The following IQGAP2 variants were observed in gnomAD, a reference collection of about 807,000 sequenced individuals.
The protein encoded by IQGAP2 is IQ motif containing GTPase activating protein 2.
In IQGAP2, 173 loss-of-function variants were observed where a neutral mutation model predicts 201.3. That is an observed-to-expected ratio of 0.86 (90% CI 0.76 to 0.98). IQGAP2 has a LOEUF of 0.98. Among genes scored for constraint, IQGAP2 ranks in the 50% least tolerant of loss-of-function variants. The pLI, the probability that IQGAP2 is intolerant of heterozygous loss-of-function variation, is 0.00. For synonymous variants in IQGAP2, 675 were observed against 673.9 expected, an observed-to-expected ratio of 1.00 and a Z score of -0.03; for missense variants, 1,687 against 1,864.8, an observed-to-expected ratio of 0.90 and a Z score of 1.76.
intron 13 of IQGAP2, among the ~76,000 whole-genome samples, chr5:76,622,000 T>TC (rs1749728617): frequency 1.3e-5 from 2 of 152,052 alleles, no homozygotes; most frequent in African/African-American, 2.4e-5. Context: ...TCCATTTACC[T>TC]CTAGAGACAG....
At chr5:76,521,992 T>C (rs1758708326) in intron 2 of IQGAP2, among the ~76,000 whole-genome samples, 1 of 152,154 alleles carries the variant, frequency 6.6e-6, no homozygotes, top group African/African-American at 2.4e-5. Context: ...TAAAATCATA[T>C]ATGTTTACAA....
intron 2 of IQGAP2, among the ~76,000 whole-genome samples, chr5:76,560,659 A>G (rs148470200): frequency 6.6e-6 from 1 of 152,178 alleles, no homozygotes; most frequent in African/African-American, 2.4e-5. Context: ...ACTTTTTCTG[A>G]TTATATCCTA....
At chr5:76,423,800 A>T (rs1751858224) in intron 1 of IQGAP2, among the ~76,000 whole-genome samples, 1 of 152,208 alleles carries the variant, frequency 6.6e-6, no homozygotes, top group Admixed American at 6.5e-5. Context: ...GCACAGTAAG[A>T]GTATCACTGT....
chr5:76,485,109 G>A (rs1028104768), intron 2 of IQGAP2, among the ~76,000 whole-genome samples: 1 of 152,108 alleles, frequency 6.6e-6, no homozygotes, highest in African/African-American at 2.4e-5. Context: ...GAGCTATGGT[G>A]TCCAGCCTTC....
At chr5:76,548,614 C>G (rs1743242760) in intron 2 of IQGAP2, among the ~76,000 whole-genome samples, 1 of 152,200 alleles carries the variant, frequency 6.6e-6, no homozygotes, top group Admixed American at 6.5e-5. Context: ...GCTGTGTAAT[C>G]TTGAGCAAAT....
At chr5:76,670,856 C>T (rs1744247696) in intron 23 of IQGAP2, among the ~76,000 whole-genome samples, 1 of 152,162 alleles carries the variant, frequency 6.6e-6, no homozygotes, top group African/African-American at 2.4e-5. Context: ...GTACTTGTAC[C>T]GTGTCACCCA....
intron 21 of IQGAP2, among the ~76,000 whole-genome samples, chr5:76,662,050 G>T (rs757143509): frequency 1.3e-5 from 2 of 152,166 alleles, no homozygotes; most frequent in Non-Finnish European, 2.9e-5. Context: ...TGAATAAAAA[G>T]TATCTGCCCC....
intron 2 of IQGAP2, among the ~76,000 whole-genome samples, chr5:76,551,416 G>T (rs566486594): frequency 6.7e-6 from 1 of 150,014 alleles, no homozygotes; most frequent in East Asian, 2.0e-4. Context: ...GATGATGGGC[G>T]GCCAGGCAGA....
chr5:76,465,177 G>A (rs1255707360), intron 2 of IQGAP2, among the ~76,000 whole-genome samples: 5 of 152,084 alleles, frequency 3.3e-5, no homozygotes, highest in South Asian at 2.1e-4. Flanking sequence ...CAAAATACTA[G>A]CAAATCAAAT....
At chr5:76,510,477 T>C in intron 2 of IQGAP2, 1 of 325,264 alleles carries the variant, frequency 3.1e-6, no homozygotes, top group South Asian at 2.4e-5. Context: ...AGCACACAGG[T>C]GGCAGGATCC....
chr5:76,589,675 T>G lies in IQGAP2; in HGVS notation c.587T>G (p.Phe196Cys), dbSNP rs764475074. 1 of 1,610,098 alleles carries G rather than the reference T, an allele frequency of 6.2e-7. No individual in the cohort carries two copies. Among genetic ancestry groups the G allele is most frequent in the South Asian group, 1.1e-5 (1 of 89,920 alleles). The change falls in exon 7 of 36, where the codon TTC becomes TGC. Residue 196 changes from phenylalanine to cysteine, a missense_variant. By Grantham distance (205) the Phe-to-Cys change is radical (BLOSUM62 -2). Transcript: ENST00000274364. ...LEKYGIQMPS[F>C]SKIGGILANE... Reference sequence around the variant, plus strand: ...AAATATGGAATACAGATGCCATCTTTCAGCAAAATAGGTGGTATTCTGGCC... The same window carrying G: ...AAATATGGAATACAGATGCCATCTTGCAGCAAAATAGGTGGTATTCTGGCC...
Position 76,611,362 on chromosome 5 carries a change from A to T in IQGAP2, c.1521+179A>T, listed in dbSNP as rs73123707. On this transcript the variant is annotated intron_variant, in intron 13 of 35. Transcript: ENST00000274364. Reference sequence around the variant, plus strand: ...TTCCTGGTAACAAACATTGGGGGGAAACCAGCTCCAGAGCTATTTATTGCT... The same window carrying T: ...TTCCTGGTAACAAACATTGGGGGGATACCAGCTCCAGAGCTATTTATTGCT... 4.6e-3 allele frequency among the ~76,000 whole-genome samples: 704 copies of T among 151,644 alleles called. 8 individuals carry two copies. The highest frequency in any genetic ancestry group is 0.017 in the African/African-American group (679 of 40,910).
At chr5:76,541,967 T>G (rs1193243251) in intron 2 of IQGAP2, among the ~76,000 whole-genome samples, 1 of 152,212 alleles carries the variant, frequency 6.6e-6, no homozygotes, top group Non-Finnish European at 1.5e-5. Flanking sequence ...TGCAGAATGT[T>G]TATTTTTTGT....
chr5:76,692,904 C>G (rs192849331), intron 30 of IQGAP2, among the ~76,000 whole-genome samples: 1 of 152,146 alleles, frequency 6.6e-6, no homozygotes, highest in Non-Finnish European at 1.5e-5. Context: ...GTTGGTCTGG[C>G]TCCTAAAGGC....
chr5:76,487,154 A>G (rs1387355200), intron 2 of IQGAP2, among the ~76,000 whole-genome samples: 1 of 148,160 alleles, frequency 6.7e-6, no homozygotes, highest in Non-Finnish European at 1.5e-5. Flanking sequence ...GCTGGAGTGC[A>G]GTGGCACAAT....
At chr5:76,670,469 G>A (rs770345689) in intron 23 of IQGAP2, among the ~76,000 whole-genome samples, 1 of 152,108 alleles carries the variant, frequency 6.6e-6, no homozygotes, top group Non-Finnish European at 1.5e-5. Flanking sequence ...AGCTGAGATC[G>A]CGCCACTGCA....
intron 1 of IQGAP2, among the ~76,000 whole-genome samples, chr5:76,445,669 T>TG (rs1753344536): frequency 6.6e-6 from 1 of 152,144 alleles, no homozygotes; most frequent in African/African-American, 2.4e-5. Context: ...TTCACCATGT[T>TG]GGCCAGGCTG....
At chr5:76,416,723 T>G (rs753998908) in intron 1 of IQGAP2, among the ~76,000 whole-genome samples, 10 of 152,196 alleles carry the variant, frequency 6.6e-5, no homozygotes, top group Non-Finnish European at 1.0e-4. Context: ...GGACAGGGTT[T>G]CATCATATTG....
At chr5:76,623,315 CA>C in intron 13 of IQGAP2, 1 of 1,496,092 alleles carries the variant, frequency 6.7e-7, no homozygotes, top group South Asian at 1.1e-5. Flanking sequence ...CATGTGTCAG[CA>C]GCAAATGGAA....
Sources: gnomAD v4.1 joint callset for allele counts (sites outside exome capture counted in the v4.1 genomes callset) on GRCh38, gnomAD v4.1.1 for gene constraint, MANE v1.5 for transcripts, NCBI Gene and HGNC (gene_info 2026-07-23, HGNC 2026-07-21) for gene names.